AGAP1: variants seen among roughly 807,000 people sequenced by gnomAD.
The protein encoded by AGAP1 is ArfGAP with GTPase domain, ankyrin repeat and PH domain 1, also known as arf-GAP with GTPase, ANK repeat and PH domain-containing protein 1.
A neutral mutation model predicts 105.3 loss-of-function variants in AGAP1; 29 were observed. The observed-to-expected ratio is 0.28, with a 90% CI of 0.21 to 0.38. AGAP1 has a LOEUF of 0.38. Ranked by LOEUF, AGAP1 falls within the 10% of genes least tolerant of loss-of-function variation. The pLI, the probability that AGAP1 is intolerant of heterozygous loss-of-function variation, is 1.00. For synonymous variants in AGAP1, 509 were observed against 485.9 expected (o/e 1.05, Z -0.63); for missense variants, 998 against 1,165.1 (o/e 0.86, Z 2.09).
In AGAP1 at chr2:236,055,867, C is replaced by CT. The variant is rs2058039308; in HGVS notation, c.2114+6587dup. Among the ~76,000 whole-genome samples, 2 of 152,230 alleles carry CT rather than the reference C, an allele frequency of 1.3e-5. No individual in the cohort carries two copies. Among genetic ancestry groups the CT allele is most frequent in the African/African-American group, 4.8e-5 (2 of 41,466 alleles). On this transcript the variant is annotated intron_variant, in intron 16 of 17. Coordinates refer to ENST00000304032, the MANE Select transcript of AGAP1 (RefSeq NM_001037131.3). The surrounding 1 kb of genome is among the most constrained non-coding windows in gnomAD (Gnocchi z 6.2). ...TAACTCACTTAGCCACCCTTCATGA[C>CT]TGGATGGTCCTCATTAGCACACTGC...
intron 9 of AGAP1, among the ~76,000 whole-genome samples, chr2:235,826,040 T>C (rs1959043971): frequency 6.6e-6 from 1 of 152,150 alleles, no homozygotes; most frequent in Non-Finnish European, 1.5e-5. Context: ...ACCCTCTCAA[T>C]TGTTGCTGCA....
rs1949667538 is a variant in AGAP1, at chr2:235,690,093, G to A, written c.164-19086G>A. On this transcript the variant is annotated intron_variant, in intron 1 of 17. Transcript: ENST00000304032. The surrounding 1 kb of genome is among the most constrained non-coding windows in gnomAD (Gnocchi z 4.1). ...TCCCTCGGGGTTTTCATGCAGTATT[G>A]ACACTCTCTTCTCCCCAGGTGCTGA... is the stretch of plus-strand genomic sequence containing the variant. 6.6e-6 allele frequency among the ~76,000 whole-genome samples: 1 copy of A among 152,034 alleles called. No homozygotes were observed.
rs2054878510 is a variant in AGAP1, at chr2:235,976,788, G to A, written c.1645+8165G>A. Among the ~76,000 whole-genome samples, 1 of 152,100 alleles carries A rather than the reference G, an allele frequency of 6.6e-6. No individual in the cohort carries two copies. The highest frequency in any genetic ancestry group is 2.1e-4 in the South Asian group (1 of 4,824). ...GGACCTCAGGGAGGTTCCCCAAAGG[G>A]GAGTAGACACTCACACACGTTGTAT... On this transcript the variant is annotated intron_variant, in intron 13 of 17. Transcript: ENST00000304032. The surrounding 1 kb of genome is among the most constrained non-coding windows in gnomAD (Gnocchi z 4.5).
Position 235,930,708 on chromosome 2 carries a change from G to C in AGAP1, c.1325-57G>C. 1.3e-6 allele frequency: 2 copies of C among 1,560,174 alleles called. No homozygotes were observed. Among genetic ancestry groups the C allele is most frequent in the South Asian group, 1.2e-5 (1 of 83,726 alleles). ...GTGTGGGTCCCATAGACTAACTCGC[G>C]CTGGTTTCTGTGGTCTGCAGTCCGC... On this transcript the variant is annotated intron_variant, in intron 11 of 17. Transcript: ENST00000304032. The surrounding 1 kb of genome is among the most constrained non-coding windows in gnomAD (Gnocchi z 7.9).
chr2:236,048,925 A>T (rs1302894423), intron 15 of AGAP1, 134 bp from the exon 16 acceptor site: 1 of 784,734 alleles, frequency 1.3e-6, no homozygotes, highest in Non-Finnish European at 2.1e-6. Context: ...CTGGCTAGGG[A>T]GCATTTTTTC....
intron 10 of AGAP1, among the ~76,000 whole-genome samples, chr2:235,884,512 G>A (rs1384999828): frequency 6.1e-5 from 9 of 147,504 alleles, no homozygotes; most frequent in Admixed American, 1.4e-4. Context: ...GTGCAGTGGC[G>A]CGATCCTGGC....
At chr2:235,902,863 C>T (rs937624388) in intron 10 of AGAP1, among the ~76,000 whole-genome samples, 17 of 152,216 alleles carry the variant, frequency 1.1e-4, no homozygotes, top group African/African-American at 3.6e-4. Flanking sequence ...ACTCAAAGGT[C>T]GAAATGTTTA....
chr2:235,772,466 C>G (rs1435975074), intron 6 of AGAP1, among the ~76,000 whole-genome samples: 2 of 152,204 alleles, frequency 1.3e-5, no homozygotes, highest in African/African-American at 4.8e-5. Flanking sequence ...TCCATCTTAG[C>G]TGTTCCTCAG....
chr2:235,722,129 C>G (rs1166948873), intron 3 of AGAP1, among the ~76,000 whole-genome samples: 1 of 152,200 alleles, frequency 6.6e-6, no homozygotes, highest in African/African-American at 2.4e-5. Context: ...CTTGTATAGA[C>G]AGATTCCTTA....
In AGAP1 at chr2:235,642,850, T is replaced by A. The variant is rs1947243903; in HGVS notation, c.164-66329T>A. Among the ~76,000 whole-genome samples the A allele has an allele frequency of 6.6e-6, 1 of 152,242 alleles. No individual in the cohort carries two copies. The highest frequency in any genetic ancestry group is 1.5e-5 in the Non-Finnish European group (1 of 68,032). ...TTGCAAAGATTAGGCAAATCCCAGG[T>A]TGCTGAGTCTTGGCAGATTTCTCGT... On this transcript the variant is annotated intron_variant, in intron 1 of 17. Transcript: ENST00000304032. The surrounding 1 kb of genome is among the most constrained non-coding windows in gnomAD (Gnocchi z 4.1).
At position 235,621,901 on chromosome 2, in the gene AGAP1, A is replaced by C. The variant is rs1574981174; in HGVS notation, c.164-87278A>C. On this transcript the variant is annotated intron_variant, in intron 1 of 17. Coordinates refer to ENST00000304032, the MANE Select transcript of AGAP1 (RefSeq NM_001037131.3). This position sits in a 1 kb window ranked among gnomAD's most constrained non-coding sequence, Gnocchi z 4.1. ...GCGATCGGAAGGGAGTGCCGCGCAG[A>C]CCCCCCCACCCCCTCAGAACAGCGG... 6.6e-6 allele frequency among the ~76,000 whole-genome samples: 1 copy of C among 150,974 alleles called. No homozygotes were observed. Among genetic ancestry groups the C allele is most frequent in the Non-Finnish European group, 1.5e-5 (1 of 67,736 alleles).
intron 9 of AGAP1, among the ~76,000 whole-genome samples, chr2:235,833,442 G>T (rs1298738741): frequency 2.0e-5 from 3 of 152,160 alleles, no homozygotes; most frequent in African/African-American, 4.8e-5. Context: ...TATCCCCATA[G>T]TTTGCACCCC....
rs531209045 is a variant in AGAP1, at chr2:235,842,974, G to T, written c.1050+35643G>T. ...ACTCCTGACCTCAGGTGATCGGCCC[G>T]CCTCGGCCTCCCAAAGTGCTGGAGT... On this transcript the variant is annotated intron_variant, in intron 9 of 17. Transcript: ENST00000304032. The surrounding 1 kb of genome is among the most constrained non-coding windows in gnomAD (Gnocchi z 5.3). Among the ~76,000 whole-genome samples the T allele has an allele frequency of 6.6e-6, 1 of 152,172 alleles. No homozygotes were observed. The highest frequency in any genetic ancestry group is 1.5e-5 in the Non-Finnish European group (1 of 68,030).
chr2:235,871,347 G>A (rs1004597767), intron 9 of AGAP1, among the ~76,000 whole-genome samples: 5 of 152,206 alleles, frequency 3.3e-5, no homozygotes, highest in African/African-American at 1.2e-4. Flanking sequence ...TCCAGCATCT[G>A]GCATGGCAAT....
chr2:235,965,682 A>G lies in AGAP1; in HGVS notation c.1484-2780A>G, dbSNP rs1237008900. ...GAGTCCTGAACGCATTGCTGAAGGT[A>G]GAGCCTGGAATAGCCCCTGTTGGGT... On this transcript the variant is annotated intron_variant, in intron 12 of 17. Coordinates refer to ENST00000304032, the MANE Select transcript of AGAP1 (RefSeq NM_001037131.3). This position sits in a 1 kb window ranked among gnomAD's most constrained non-coding sequence, Gnocchi z 5.8. Among the ~76,000 whole-genome samples, 1 of 152,184 alleles carries G rather than the reference A, an allele frequency of 6.6e-6. No homozygotes were observed. The highest frequency in any genetic ancestry group is 1.5e-5 in the Non-Finnish European group (1 of 68,032).
chr2:235,509,425 G>T (rs764927495), intron 1 of AGAP1, among the ~76,000 whole-genome samples: 28 of 151,760 alleles, frequency 1.8e-4, no homozygotes, highest in Non-Finnish European at 3.4e-4. Context: ...AGTAGAGACG[G>T]TTTCACCATG....
chr2:235,678,543 G>A (rs954909963), intron 1 of AGAP1, among the ~76,000 whole-genome samples: 4 of 152,150 alleles, frequency 2.6e-5, no homozygotes, highest in Non-Finnish European at 4.4e-5. Flanking sequence ...TTAGGACGGG[G>A]GCTGTGTGTG....
At chr2:235,780,419 ATCT>A (rs1354165323) in intron 6 of AGAP1, among the ~76,000 whole-genome samples, 2 of 152,114 alleles carry the variant, frequency 1.3e-5, no homozygotes, top group South Asian at 2.1e-4. Context: ...ACTCAAAGAG[ATCT>A]TCTGTCAGTG....
At position 235,615,562 on chromosome 2, in the gene AGAP1, T is replaced by G. The variant is rs560703680; in HGVS notation, c.164-93617T>G. Among the ~76,000 whole-genome samples, 42 of 152,350 alleles carry G rather than the reference T, an allele frequency of 2.8e-4. No individual in the cohort carries two copies. The highest frequency in any genetic ancestry group is 9.9e-4 in the African/African-American group (41 of 41,582). On this transcript the variant is annotated intron_variant, in intron 1 of 17. Transcript: ENST00000304032. This position sits in a 1 kb window ranked among gnomAD's most constrained non-coding sequence, Gnocchi z 5.0. ...TCATCTCTGAGCCATTGCAACCTATTTTTTAATGCCAAGAGAAAGTATTTT... is the reference window on the plus strand; with the variant it reads ...TCATCTCTGAGCCATTGCAACCTATGTTTTAATGCCAAGAGAAAGTATTTT...
Sources: allele counts gnomAD v4.1 joint callset (sites outside exome capture counted in the v4.1 genomes callset), GRCh38; gene constraint gnomAD v4.1.1; non-coding constraint Gnocchi (gnomAD v3.1); transcripts MANE v1.5; gene names NCBI Gene and HGNC (gene_info 2026-07-23, HGNC 2026-07-21).